KLHL2: variants seen among roughly 807,000 people sequenced by gnomAD.
KLHL2 encodes the protein kelch like family member 2.
In KLHL2, 15 loss-of-function variants were observed where a neutral mutation model predicts 75.8. The observed-to-expected ratio is 0.20, with a 90% CI of 0.13 to 0.30. The LOEUF (loss-of-function observed/expected upper bound fraction) is 0.30, where lower values mean the gene tolerates loss of function less well. KLHL2 is among the 10% of genes least tolerant of loss of function. The pLI, the probability that KLHL2 is intolerant of heterozygous loss-of-function variation, is 1.00. For synonymous variants in KLHL2, 214 were observed against 251.9 expected (o/e 0.85, Z 1.42); for missense variants, 381 against 741.0 (o/e 0.51, Z 5.64).
chr4:165,227,795 T>A (rs1344265791), intron 2 of KLHL2, among the ~76,000 whole-genome samples: 5 of 152,200 alleles, frequency 3.3e-5, no homozygotes, highest in African/African-American at 9.7e-5. Context: ...GCATTGCATG[T>A]CAAAAATGCT....
intron 4 of KLHL2, among the ~76,000 whole-genome samples, chr4:165,251,956 T>C (rs941409308): frequency 6.6e-6 from 1 of 152,208 alleles, no homozygotes; most frequent in African/African-American, 2.4e-5. Context: ...GGCTAGGTAC[T>C]CTAGAAGCGT....
chr4:165,249,475 A>C (rs888401477), intron 4 of KLHL2, among the ~76,000 whole-genome samples: 1 of 152,216 alleles, frequency 6.6e-6, no homozygotes, highest in African/African-American at 2.4e-5. Context: ...AATTTACTTC[A>C]AAGTGGTAAT....
At chr4:165,251,945 A>G (rs1740770488) in intron 4 of KLHL2, among the ~76,000 whole-genome samples, 1 of 152,206 alleles carries the variant, frequency 6.6e-6, no homozygotes, top group Non-Finnish European at 1.5e-5. Context: ...GTTCGGAGCA[A>G]GGCTAGGTAC....
chr4:165,253,294 A>G (rs531572207), intron 4 of KLHL2, among the ~76,000 whole-genome samples: 1 of 152,312 alleles, frequency 6.6e-6, no homozygotes, highest in African/African-American at 2.4e-5. Flanking sequence ...TCGGCCTCCC[A>G]AAGTGCTGGG....
At chr4:165,321,985 G>C (rs1407351874) in intron 14 of KLHL2, 47 bp from the exon 15 acceptor site, 6 of 1,572,874 alleles carry the variant, frequency 3.8e-6, no homozygotes, top group Non-Finnish European at 5.2e-6. Context: ...CAGAGATACA[G>C]AGTGCTGCCT....
chr4:165,207,848 C>T lies in KLHL2; in HGVS notation c.-29C>T, dbSNP rs2110915947. ...TGGTGCTGGCTGTGTTGGTCGGTGCCTGCGTTCTGAAGCCCGAGAGGAGCC... is the reference window on the plus strand; with the variant it reads ...TGGTGCTGGCTGTGTTGGTCGGTGCTTGCGTTCTGAAGCCCGAGAGGAGCC... On this transcript the variant is annotated 5_prime_UTR_variant, in exon 1 of 15. Coordinates refer to ENST00000226725, the MANE Select transcript of KLHL2 (RefSeq NM_007246.4). The surrounding 1 kb of genome is among the most constrained non-coding windows in gnomAD (Gnocchi z 4.2). 1.4e-6 allele frequency: 2 copies of T among 1,449,518 alleles called. No homozygotes were observed. Among genetic ancestry groups the T allele is most frequent in the East Asian group, 3.3e-5 (1 of 30,254 alleles). The allele number at this position is 1,449,518 out of a possible 1,614,324, so 89.8% of individuals were successfully genotyped here. A position where few individuals can be genotyped will look rare whatever the true frequency, so the allele number is the denominator to read the frequency against.
intron 2 of KLHL2, among the ~76,000 whole-genome samples, chr4:165,227,787 A>G (rs1367780898): frequency 6.6e-6 from 1 of 152,218 alleles, no homozygotes; most frequent in South Asian, 2.1e-4. Flanking sequence ...GGCACCACGC[A>G]TTGCATGTCA....
intron 8 of KLHL2, among the ~76,000 whole-genome samples, chr4:165,304,097 G>A: frequency 6.6e-6 from 1 of 150,450 alleles, no homozygotes; most frequent in African/African-American, 2.5e-5. Context: ...TAACCAGGCT[G>A]GTCTTGAACT....
intron 3 of KLHL2, among the ~76,000 whole-genome samples, chr4:165,237,702 A>G (rs1022427640): frequency 6.6e-6 from 1 of 152,212 alleles, no homozygotes; most frequent in East Asian, 1.9e-4. Context: ...TTAATAAGAG[A>G]TGCTGGGTTA....
intron 14 of KLHL2, chr4:165,321,210 T>C (rs1399277874): frequency 8.8e-6 from 4 of 453,790 alleles, no homozygotes; most frequent in Admixed American, 7.1e-5. Flanking sequence ...TGTGTCTGCC[T>C]CTCCTGTTTC....
chr4:165,294,287 T>C (rs1744742300), intron 5 of KLHL2, 72 bp from the exon 6 acceptor site: 1 of 867,572 alleles, frequency 1.2e-6, no homozygotes. Flanking sequence ...AAGAAAAACC[T>C]TTTTTAAGCA....
chr4:165,219,314 G>C (rs1737798987), intron 1 of KLHL2, among the ~76,000 whole-genome samples: 1 of 152,238 alleles, frequency 6.6e-6, no homozygotes. Context: ...TCTGTTAAAT[G>C]GGGATAATAA....
At position 165,310,708 on chromosome 4, in the gene KLHL2, A is replaced by C; in HGVS notation, c.1195A>C (p.Asn399His). Reference protein sequence around the residue: ...RRSTLGAAVLNGLLYAVGGFD... With the variant: ...RRSTLGAAVLHGLLYAVGGFD... ...AAGCACTTTGGGAGCTGCTGTGTTA[A>C]ATGGATTATTATACGCTGTGGGAGG... is the stretch of plus-strand genomic sequence containing the variant. The change falls in exon 10 of 15, where the codon AAT becomes CAT. Residue 399 changes from asparagine (N) to histidine (H), a missense_variant. Coordinates refer to ENST00000226725, the MANE Select transcript of KLHL2 (RefSeq NM_007246.4). The C allele has an allele frequency of 6.2e-7, 1 of 1,614,010 alleles. No homozygotes were observed. The highest frequency in any genetic ancestry group is 1.1e-5 in the South Asian group (1 of 91,076).
At chr4:165,227,900 C>CT (rs557385631) in intron 2 of KLHL2, among the ~76,000 whole-genome samples, 2,068 of 121,316 alleles carry the variant, frequency 0.017, 21 homozygotes, top group African/African-American at 0.053. Flanking sequence ...TAACAAAATG[C>CT]TTTTTTTTTT....
chr4:165,299,749 A>G (rs1048809175), intron 8 of KLHL2, 93 bp downstream of exon 8: 33 of 1,177,902 alleles, frequency 2.8e-5, no homozygotes, highest in Non-Finnish European at 3.4e-5. Flanking sequence ...TCCGTGATTT[A>G]TTGTTTTAGT....
intron 5 of KLHL2, chr4:165,279,285 A>G (rs750612223): frequency 6.5e-6 from 10 of 1,540,726 alleles, no homozygotes; most frequent in Admixed American, 3.3e-5. Context: ...TCAACGGTAG[A>G]CTGTGTTCTT....
intron 3 of KLHL2, among the ~76,000 whole-genome samples, chr4:165,237,068 G>A (rs1431132116): frequency 4.1e-5 from 6 of 148,006 alleles, no homozygotes; most frequent in Non-Finnish European, 6.0e-5. Flanking sequence ...ATATTATTGG[G>A]GCTCTGTAGG....
chr4:165,212,980 A>T (rs1199909306), intron 1 of KLHL2, among the ~76,000 whole-genome samples: 1 of 152,218 alleles, frequency 6.6e-6, no homozygotes, highest in Non-Finnish European at 1.5e-5. Flanking sequence ...CATGCCTCTA[A>T]ACCCAATATA....
chr4:165,261,145 C>T (rs1449277886), intron 4 of KLHL2, among the ~76,000 whole-genome samples: 1 of 151,954 alleles, frequency 6.6e-6, no homozygotes, highest in Admixed American at 6.6e-5. Context: ...AATTAAATGG[C>T]TGTACTATTA....
Sources: gnomAD v4.1 joint callset for allele counts (sites outside exome capture counted in the v4.1 genomes callset) on GRCh38, gnomAD v4.1.1 for gene constraint, Gnocchi (gnomAD v3.1) non-coding constraint, MANE v1.5 for transcripts, NCBI Gene and HGNC (gene_info 2026-07-23, HGNC 2026-07-21) for gene names.